The following TENM4 variants were observed in gnomAD, a reference collection of about 807,000 sequenced individuals.
The protein encoded by TENM4 is teneurin transmembrane protein 4.
A neutral mutation model predicts 243.3 loss-of-function variants in TENM4; 82 were observed. The observed-to-expected ratio is 0.34, with a 90% CI of 0.28 to 0.40. The LOEUF (loss-of-function observed/expected upper bound fraction) is 0.40, where lower values mean the gene tolerates loss of function less well. TENM4 is among the 10% of genes least tolerant of loss of function. The pLI, the probability that TENM4 is intolerant of heterozygous loss-of-function variation, is 1.00. For synonymous variants in TENM4, 1,412 were observed against 1,456.3 expected, an observed-to-expected ratio of 0.97 and a Z score of 0.69; for missense variants, 3,138 against 3,673.3, an observed-to-expected ratio of 0.85 and a Z score of 3.77.
chr11:78,739,603 C>T (rs1236032041), intron 19 of TENM4, among the ~76,000 whole-genome samples: 2 of 152,040 alleles, frequency 1.3e-5, no homozygotes, highest in African/African-American at 2.4e-5. Context: ...AATGGGACAA[C>T]TAGAGATCAT....
chr11:79,044,371 G>T (rs1416188085), intron 6 of TENM4, among the ~76,000 whole-genome samples: 3 of 152,222 alleles, frequency 2.0e-5, no homozygotes, highest in African/African-American at 7.2e-5. Context: ...AGCTAATCAG[G>T]TCAGAGGGAT....
At chr11:79,216,307 G>C (rs527823345) in intron 2 of TENM4, among the ~76,000 whole-genome samples, 1 of 152,202 alleles carries the variant, frequency 6.6e-6, no homozygotes, top group Non-Finnish European at 1.5e-5. Flanking sequence ...TAGGAACTGC[G>C]TGTTATTTGC....
chr11:79,190,367 G>A (rs1284887530), intron 3 of TENM4, among the ~76,000 whole-genome samples: 5 of 152,182 alleles, frequency 3.3e-5, no homozygotes, highest in South Asian at 4.1e-4. Context: ...GAGATCACAC[G>A]TGTAAATACG....
intron 4 of TENM4, among the ~76,000 whole-genome samples, chr11:79,117,574 G>C (rs67006232): frequency 0.24 from 36,930 of 152,036 alleles, 4,790 homozygotes; most frequent in East Asian, 0.34. Flanking sequence ...GGATTCTGGG[G>C]AATACTCTTC....
intron 3 of TENM4, among the ~76,000 whole-genome samples, chr11:79,174,844 C>T (rs1416748799): frequency 6.6e-6 from 1 of 152,222 alleles, no homozygotes; most frequent in Non-Finnish European, 1.5e-5. Flanking sequence ...CAGCTCCCAG[C>T]TGTTGTTAGC....
chr11:78,667,151 A>G (rs1247852218), intron 32 of TENM4, among the ~76,000 whole-genome samples: 2 of 152,134 alleles, frequency 1.3e-5, no homozygotes, highest in Non-Finnish European at 2.9e-5. Context: ...AGGCTGTGAA[A>G]CATTGTTAGC....
intron 33 of TENM4, among the ~76,000 whole-genome samples, chr11:78,660,838 C>G (rs1471880052): frequency 6.6e-6 from 1 of 152,118 alleles, no homozygotes; most frequent in East Asian, 1.9e-4. Context: ...AAAGACCTTT[C>G]CAGCTATACA....
At chr11:79,135,846 T>C (rs1416875181) in intron 4 of TENM4, among the ~76,000 whole-genome samples, 2 of 149,372 alleles carry the variant, frequency 1.3e-5, no homozygotes, top group Non-Finnish European at 3.0e-5. Context: ...TATGATGGAA[T>C]ACAACTCAGC....
In TENM4 at chr11:78,653,441, G is replaced by A. The variant is rs931671104; in HGVS notation, c.*4617C>T. 1.3e-5 allele frequency: 2 copies of A among 152,096 alleles called. No homozygotes were observed. Among genetic ancestry groups the A allele is most frequent in the African/African-American group, 4.8e-5 (2 of 41,400 alleles). 9.4% of individuals were successfully genotyped at this position (152,096 alleles called of 1,614,324 possible). On this transcript the variant is annotated 3_prime_UTR_variant, in exon 34 of 34. Coordinates refer to ENST00000278550, the MANE Select transcript of TENM4 (RefSeq NM_001098816.3). The stretch of plus-strand genomic sequence containing the variant: ...AAGATACAGTGTTAGAAACACAAAA[G>A]TGTTGAGAAAAAAACTTCTCAAAAT...
intron 12 of TENM4, among the ~76,000 whole-genome samples, chr11:78,826,353 T>A (rs775384888): frequency 6.6e-6 from 1 of 152,056 alleles, no homozygotes; most frequent in Non-Finnish European, 1.5e-5. Context: ...TCCCAAAGTG[T>A]TGGGATTACA....
chr11:79,244,269 G>A (rs1301957923), intron 2 of TENM4, among the ~76,000 whole-genome samples: 1 of 152,196 alleles, frequency 6.6e-6, no homozygotes. Context: ...CACCGGGGGT[G>A]AGCAGGGAGC....
intron 1 of TENM4, among the ~76,000 whole-genome samples, chr11:79,360,753 CCTT>C (rs57611796): frequency 0.015 from 2,357 of 152,206 alleles, 69 homozygotes; most frequent in African/African-American, 0.054. Context: ...ATAAATAAGA[CCTT>C]CTTGTTATAT....
At chr11:78,691,572 G>C (rs978494421) in intron 28 of TENM4, among the ~76,000 whole-genome samples, 1 of 152,194 alleles carries the variant, frequency 6.6e-6, no homozygotes, top group East Asian at 1.9e-4. Flanking sequence ...TCTCACTAGA[G>C]TTTTAGTCTT....
intron 2 of TENM4, among the ~76,000 whole-genome samples, chr11:79,266,388 T>C (rs954103380): frequency 3.3e-5 from 5 of 152,242 alleles, no homozygotes; most frequent in African/African-American, 1.2e-4. Context: ...GGAGCTTTCC[T>C]GCTTCTGCTA....
intron 4 of TENM4, among the ~76,000 whole-genome samples, chr11:79,138,186 C>G (rs1049571871): frequency 6.7e-6 from 1 of 149,980 alleles, no homozygotes; most frequent in Non-Finnish European, 1.5e-5. Context: ...GCTTCCTGCC[C>G]TCAAATATCG....
chr11:78,797,096 T>C (rs1019934081), intron 15 of TENM4, among the ~76,000 whole-genome samples: 2 of 152,192 alleles, frequency 1.3e-5, no homozygotes, highest in Non-Finnish European at 2.9e-5. Context: ...AGCACAAACC[T>C]TGGTAATAGC....
intron 3 of TENM4, among the ~76,000 whole-genome samples, chr11:79,154,538 C>T (rs961517286): frequency 5.3e-5 from 8 of 152,090 alleles, no homozygotes; most frequent in Non-Finnish European, 8.8e-5. Context: ...TACTTTGTCC[C>T]CTGACCCCCT....
intron 5 of TENM4, among the ~76,000 whole-genome samples, chr11:79,069,217 T>C (rs146466075): frequency 6.1e-4 from 93 of 152,308 alleles, no homozygotes; most frequent in African/African-American, 2.1e-3. Context: ...AAGGTCTTCC[T>C]CTCAAGGTCA....
chr11:78,966,655 T>C (rs577793065), intron 6 of TENM4, among the ~76,000 whole-genome samples: 7 of 152,318 alleles, frequency 4.6e-5, no homozygotes, highest in Admixed American at 1.3e-4. Context: ...AACGCTTCAC[T>C]GAGCCTTGGA....
Sources: gnomAD v4.1 joint callset for allele counts (sites outside exome capture counted in the v4.1 genomes callset) on GRCh38, gnomAD v4.1.1 for gene constraint, MANE v1.5 for transcripts, NCBI Gene and HGNC (gene_info 2026-07-23, HGNC 2026-07-21) for gene names.